RBX1: variants seen among roughly 807,000 people sequenced by gnomAD.
The protein encoded by RBX1 is E3 ubiquitin-protein ligase RBX1.
For synonymous variants in RBX1, 48 were observed against 47.9 expected, an observed-to-expected ratio of 1.00 and a Z score of -0.01; for missense variants, 46 against 141.4, an observed-to-expected ratio of 0.33 and a Z score of 3.42.
intron 2 of RBX1, among the ~76,000 whole-genome samples, chr22:40,962,701 T>C (rs1052276581): frequency 6.6e-6 from 1 of 150,382 alleles, no homozygotes; most frequent in African/African-American, 2.4e-5. Flanking sequence ...TTTTTATTTA[T>C]TTATTTTTTG....
chr22:40,959,021 C>T (rs1018066395), intron 2 of RBX1, among the ~76,000 whole-genome samples: 7 of 152,138 alleles, frequency 4.6e-5, no homozygotes, highest in African/African-American at 1.7e-4. Flanking sequence ...ACCATGTTGG[C>T]CAGTCTGGTC....
intron 1 of RBX1, 68 bp from the exon 2 acceptor site, chr22:40,953,487 T>C (rs2058316909): frequency 5.8e-6 from 6 of 1,040,944 alleles, no homozygotes; most frequent in African/African-American, 1.6e-5. Context: ...AGCTGCAGCC[T>C]GAGGTCCTAA....
Position 40,963,965 on chromosome 22 carries a change from A to T in RBX1, c.158-82A>T, listed in dbSNP as rs192111581. On this transcript the variant is annotated intron_variant, in intron 2 of 4. Coordinates refer to ENST00000216225, the MANE Select transcript of RBX1 (RefSeq NM_014248.4). The stretch of plus-strand genomic sequence containing the variant: ...AAAAAACAATTATGGCTAATTAACC[A>T]CTTGAGAATTGTTTTGGCTGCTATA... 1.3e-4 allele frequency: 131 copies of T among 979,650 alleles called. 2 individuals are homozygous for T. Among genetic ancestry groups the T allele is most frequent in the South Asian group, 8.7e-4 (66 of 75,480 alleles). The allele number at this position is 979,650 out of a possible 1,614,324, so 60.7% of individuals were successfully genotyped here. A position where few individuals can be genotyped will look rare whatever the true frequency, so the allele number is the denominator to read the frequency against.
At chr22:40,964,938 C>T (rs1324419510) in intron 3 of RBX1, among the ~76,000 whole-genome samples, 2 of 152,112 alleles carry the variant, frequency 1.3e-5, no homozygotes, top group Admixed American at 6.6e-5. Context: ...AATTGTAATC[C>T]GGATTAGATG....
intron 2 of RBX1, among the ~76,000 whole-genome samples, chr22:40,961,975 G>T (rs747583670): frequency 1.3e-5 from 2 of 151,986 alleles, no homozygotes; most frequent in East Asian, 3.9e-4. Flanking sequence ...AGTAGAGAGG[G>T]GGTTTTGCCA....
At chr22:40,972,158 T>A (rs994664451) in intron 4 of RBX1, among the ~76,000 whole-genome samples, 1 of 152,172 alleles carries the variant, frequency 6.6e-6, no homozygotes, top group Non-Finnish European at 1.5e-5. Context: ...GAGCTCCCTT[T>A]CACAACCACC....
chr22:40,964,729 A>G (rs988763226), intron 3 of RBX1, among the ~76,000 whole-genome samples: 103 of 152,168 alleles, frequency 6.8e-4, no homozygotes, highest in African/African-American at 2.5e-3. Context: ...ACATGAGCTA[A>G]AATTGTCTTG....
intron 2 of RBX1, 71 bp from the exon 3 acceptor site, chr22:40,963,976 G>A (rs1181977183): frequency 2.6e-6 from 3 of 1,154,786 alleles, no homozygotes; most frequent in Non-Finnish European, 3.9e-6. Flanking sequence ...CTTGAGAATT[G>A]TTTTGGCTGC....
intron 2 of RBX1, among the ~76,000 whole-genome samples, chr22:40,955,925 G>A (rs1256599369): frequency 1.3e-5 from 2 of 152,328 alleles, no homozygotes; most frequent in South Asian, 2.1e-4. Context: ...AAATGTGTTT[G>A]GGTGGGGTCT....
intron 4 of RBX1, among the ~76,000 whole-genome samples, chr22:40,971,213 T>G (rs2058368231): frequency 6.6e-6 from 1 of 152,188 alleles, no homozygotes; most frequent in African/African-American, 2.4e-5. Context: ...ACTCTGCCAC[T>G]CTAACTGGTG....
At chr22:40,958,098 A>G (rs1053104557) in intron 2 of RBX1, among the ~76,000 whole-genome samples, 2 of 152,110 alleles carry the variant, frequency 1.3e-5, no homozygotes, top group Non-Finnish European at 2.9e-5. Context: ...CTGGGATTAC[A>G]GGTGTGAGCC....
intron 1 of RBX1, among the ~76,000 whole-genome samples, chr22:40,952,342 C>A (rs2058313399): frequency 6.6e-6 from 1 of 152,144 alleles, no homozygotes; most frequent in African/African-American, 2.4e-5. Context: ...GAAAGCTGTT[C>A]AAAATGGAGA....
At chr22:40,959,096 G>A (rs1421250602) in intron 2 of RBX1, among the ~76,000 whole-genome samples, 3 of 152,162 alleles carry the variant, frequency 2.0e-5, no homozygotes, top group Non-Finnish European at 2.9e-5. Flanking sequence ...GATTACAGGC[G>A]TGAGCCACCA....
chr22:40,959,115 C>T (rs1373118337), intron 2 of RBX1, among the ~76,000 whole-genome samples: 2 of 152,170 alleles, frequency 1.3e-5, no homozygotes, highest in Admixed American at 6.5e-5. Context: ...CACGCCCGGC[C>T]CCGTCAGTGT....
chr22:40,951,556 C>A, intron 1 of RBX1, 80 bp downstream of exon 1: 1 of 1,374,822 alleles, frequency 7.3e-7, no homozygotes, highest in Non-Finnish European at 1.0e-6. Flanking sequence ...GGTCGAGGCG[C>A]GGAGTAAAGG....
intron 3 of RBX1, among the ~76,000 whole-genome samples, chr22:40,964,728 A>G (rs2058349479): frequency 6.6e-6 from 1 of 152,176 alleles, no homozygotes; most frequent in African/African-American, 2.4e-5. Flanking sequence ...CACATGAGCT[A>G]AAATTGTCTT....
At chr22:40,970,346 G>A (rs1241402115) in intron 4 of RBX1, among the ~76,000 whole-genome samples, 3 of 141,408 alleles carry the variant, frequency 2.1e-5, no homozygotes, top group Non-Finnish European at 4.6e-5. Context: ...GCAAAACTTC[G>A]TCTCAAAAAA....
Position 40,951,393 on chromosome 22 carries a change from T to A in RBX1, c.-6T>A, listed in dbSNP as rs770197388. The A allele has an allele frequency of 1.2e-6, 2 of 1,612,530 alleles. No individual in the cohort carries two copies. The highest frequency in any genetic ancestry group is 4.5e-5 in the East Asian group (2 of 44,822). On this transcript the variant is annotated 5_prime_UTR_variant, in exon 1 of 5. Transcript: ENST00000216225. ...GTGGTCGGACGACAGACCGTGTGTT[T>A]CCAAAATGGCGGCAGCGATGGATGT...
chr22:40,967,704 T>C (rs1438806099), intron 3 of RBX1, 95 bp from the exon 4 acceptor site: 10 of 885,994 alleles, frequency 1.1e-5, no homozygotes, highest in Admixed American at 6.8e-5. Context: ...TTGCCCACTA[T>C]ATGTCACCCA....
Sources: gnomAD v4.1 joint callset for allele counts (sites outside exome capture counted in the v4.1 genomes callset) on GRCh38, gnomAD v4.1.1 for gene constraint, MANE v1.5 for transcripts, NCBI Gene and HGNC (gene_info 2026-07-23, HGNC 2026-07-21) for gene names.